The following PKD1L1 variants were observed in gnomAD, a reference collection of about 807,000 sequenced individuals.
PKD1L1 encodes polycystin-1-like protein 1.
Under a neutral mutation model 323.4 loss-of-function variants are expected in PKD1L1, and 236 were observed. The ratio of observed to expected loss-of-function variants is 0.73; its 90% CI spans 0.66 to 0.81. PKD1L1 has a LOEUF of 0.81. PKD1L1 is among the 40% of genes least tolerant of loss of function. The probability of loss-of-function intolerance (pLI) is 0.00; values close to 1 mark genes in which losing one functional copy is unlikely to be tolerated. For synonymous variants in PKD1L1, 1,344 were observed against 1,335.0 expected (o/e 1.01, Z -0.15); for missense variants, 3,320 against 3,508.0 (o/e 0.95, Z 1.35).
chr7:47,860,061 T>C (rs1237456845), intron 26 of PKD1L1, among the ~76,000 whole-genome samples: 1 of 152,242 alleles, frequency 6.6e-6, no homozygotes, highest in Non-Finnish European at 1.5e-5. Context: ...ATTCTCTACT[T>C]AACTTTAAAA....
chr7:47,783,740 G>A (rs1025540205), intron 56 of PKD1L1, among the ~76,000 whole-genome samples: 5 of 152,134 alleles, frequency 3.3e-5, no homozygotes, highest in South Asian at 4.1e-4. Context: ...CAGAGGGAGC[G>A]TGGCCCTGCT....
intron 46 of PKD1L1, among the ~76,000 whole-genome samples, chr7:47,817,361 T>C (rs965901119): frequency 3.3e-5 from 5 of 152,208 alleles, no homozygotes; most frequent in Non-Finnish European, 7.3e-5. Flanking sequence ...ACAAAGACTA[T>C]GTTTACAGGT....
intron 7 of PKD1L1, among the ~76,000 whole-genome samples, chr7:47,925,203 T>C (rs893570638): frequency 2.2e-4 from 33 of 152,038 alleles, no homozygotes; most frequent in African/African-American, 7.7e-4. Context: ...AAGAAACAGG[T>C]AAATTCTACA....
At chr7:47,783,132 A>G (rs1168721641) in intron 56 of PKD1L1, among the ~76,000 whole-genome samples, 3 of 152,184 alleles carry the variant, frequency 2.0e-5, no homozygotes, top group Non-Finnish European at 2.9e-5. Context: ...ATTGATAGCT[A>G]TATGGTATTT....
intron 19 of PKD1L1, among the ~76,000 whole-genome samples, chr7:47,882,350 A>G (rs1562971523): frequency 7.0e-6 from 1 of 143,630 alleles, no homozygotes; most frequent in Non-Finnish European, 1.5e-5. Flanking sequence ...ATTAAGGTCT[A>G]CTAAGTCCAG....
chr7:47,920,798 G>A (rs1273605181), intron 7 of PKD1L1, among the ~76,000 whole-genome samples: 1 of 151,968 alleles, frequency 6.6e-6, no homozygotes, highest in Non-Finnish European at 1.5e-5. Flanking sequence ...GGGAATGGAC[G>A]CTCTTTTCAA....
rs140987283 is a variant in PKD1L1, at chr7:47,876,282, C to T, written c.3664-65G>A. The T allele has an allele frequency of 7.8e-5, 120 of 1,539,898 alleles. No homozygotes were observed. The East Asian group carries it at 2.5e-3, about 32-fold the overall frequency. ...ACACACTGTGAATGATATCACAATA[C>T]ATACACACACAGCTGAGCCTTCATT... On this transcript the variant is annotated intron_variant, in intron 22 of 56. Coordinates refer to ENST00000289672, the MANE Select transcript of PKD1L1 (RefSeq NM_138295.5).
intron 15 of PKD1L1, among the ~76,000 whole-genome samples, chr7:47,890,974 C>A (rs1053164803): frequency 6.6e-6 from 1 of 152,170 alleles, no homozygotes; most frequent in South Asian, 2.1e-4. Context: ...CAGGCCACCC[C>A]TCCCGACTCA....
In PKD1L1 at chr7:47,835,299, C is replaced by T. The variant is rs76479323; in HGVS notation, c.5944-56G>A. 1.3e-3 allele frequency: 1,489 copies of T among 1,129,168 alleles called. 16 individuals are homozygous for T. In the African/African-American group the frequency reaches 0.02, roughly 16 times the overall value. 69.9% of individuals were successfully genotyped at this position (1,129,168 alleles called of 1,614,324 possible). On this transcript the variant is annotated intron_variant, in intron 37 of 56. Coordinates refer to ENST00000289672, the MANE Select transcript of PKD1L1 (RefSeq NM_138295.5). ...AACTCAATATGAGTCCCGCTTAAAACGCAGTCATTGTGTAATTACAAATAC... is the reference window on the plus strand; with the variant it reads ...AACTCAATATGAGTCCCGCTTAAAATGCAGTCATTGTGTAATTACAAATAC...
At chr7:47,857,303 C>A (rs1405466538) in intron 28 of PKD1L1, among the ~76,000 whole-genome samples, 1 of 152,188 alleles carries the variant, frequency 6.6e-6, no homozygotes, top group Non-Finnish European at 1.5e-5. Context: ...ATGCTGCAAC[C>A]CCCTAGAGCC....
At chr7:47,784,775 C>A (rs1171662568) in intron 56 of PKD1L1, among the ~76,000 whole-genome samples, 1 of 152,118 alleles carries the variant, frequency 6.6e-6, no homozygotes, top group Non-Finnish European at 1.5e-5. Flanking sequence ...GCCCAACCCA[C>A]AATAGCTTCT....
chr7:47,860,623 G>A (rs1786003023), intron 26 of PKD1L1, among the ~76,000 whole-genome samples: 1 of 152,114 alleles, frequency 6.6e-6, no homozygotes, highest in Non-Finnish European at 1.5e-5. Context: ...TGGATATTAG[G>A]ACTTAAATGA....
chr7:47,818,841 A>C (rs1274007131), intron 46 of PKD1L1, among the ~76,000 whole-genome samples: 2 of 152,040 alleles, frequency 1.3e-5, no homozygotes, highest in Non-Finnish European at 2.9e-5. Context: ...GAACTTCATG[A>C]AGTCTTTCAT....
At chr7:47,792,940 A>C (rs1400178085) in intron 55 of PKD1L1, 143 bp from the exon 56 acceptor site, 4 of 730,534 alleles carry the variant, frequency 5.5e-6, no homozygotes, top group Non-Finnish European at 8.7e-6. Flanking sequence ...CTGCAGTTAG[A>C]AGACCTGGGT....
At chr7:47,884,513 G>T in intron 19 of PKD1L1, 85 bp downstream of exon 19, 1 of 1,236,800 alleles carries the variant, frequency 8.1e-7, no homozygotes, top group Non-Finnish European at 1.2e-6. Flanking sequence ...GGCTGTGTAA[G>T]GGAACAGGTG....
intron 56 of PKD1L1, among the ~76,000 whole-genome samples, chr7:47,791,586 T>C (rs1409317073): frequency 3.3e-5 from 5 of 152,224 alleles, no homozygotes; most frequent in African/African-American, 9.6e-5. Context: ...CATTTTTACA[T>C]ACTGCTTTTT....
At chr7:47,889,229 C>G (rs1422093427) in intron 16 of PKD1L1, among the ~76,000 whole-genome samples, 3 of 152,166 alleles carry the variant, frequency 2.0e-5, no homozygotes, top group East Asian at 1.9e-4. Flanking sequence ...ACCTTCCTGA[C>G]AGGATCAAAA....
rs1163835126 is a variant in PKD1L1, at chr7:47,835,239, TG to T, written c.5947del (p.His1983ThrfsTer118). On this transcript the variant is annotated frameshift_variant, in exon 38 of 57. Coordinates refer to ENST00000289672, the MANE Select transcript of PKD1L1 (RefSeq NM_138295.5). LOFTEE classifies it high-confidence loss of function. Reference protein sequence around the residue: ...LVAAGGQEQPHLDVSPTLGSF... With the variant: ...LVAAGGQEQPXLDVSPTLGSF... Reference sequence around the variant, plus strand: ...TCCAAGGGTGGGGCTGACGTCCAAGTGGGGCTGCAACAAAGCAACAGCAGCC... The same window carrying T: ...TCCAAGGGTGGGGCTGACGTCCAAGTGGGCTGCAACAAAGCAACAGCAGCC... 6.3e-7 allele frequency: 1 copy of T among 1,585,212 alleles called. No homozygotes were observed. Among genetic ancestry groups the T allele is most frequent in the Non-Finnish European group, 8.5e-7 (1 of 1,171,888 alleles).
At chr7:47,913,128 C>G (rs976129228) in intron 8 of PKD1L1, among the ~76,000 whole-genome samples, 1 of 152,018 alleles carries the variant, frequency 6.6e-6, no homozygotes. Flanking sequence ...AACCAGATTC[C>G]CCAGGAAAAG....
Sources: allele counts gnomAD v4.1 joint callset (sites outside exome capture counted in the v4.1 genomes callset), GRCh38; gene constraint gnomAD v4.1.1; transcripts MANE v1.5; gene names NCBI Gene and HGNC (gene_info 2026-07-23, HGNC 2026-07-21).